PHACTR2: variants seen among roughly 807,000 people sequenced by gnomAD.
The protein encoded by PHACTR2 is phosphatase and actin regulator 2, also known as chromosome 6 open reading frame 56.
In PHACTR2, 30 loss-of-function variants were observed where a neutral mutation model predicts 76.0. The observed-to-expected ratio is 0.39, with a 90% CI of 0.30 to 0.54. PHACTR2 has a LOEUF of 0.54. Among genes scored for constraint, PHACTR2 ranks in the 20% least tolerant of loss-of-function variants. The pLI, the probability that PHACTR2 is intolerant of heterozygous loss-of-function variation, is 0.61. For missense variants in PHACTR2, 696 were observed against 781.1 expected, an observed-to-expected ratio of 0.89 and a Z score of 1.30; for synonymous variants, 292 against 292.5, an observed-to-expected ratio of 1.00 and a Z score of 0.02.
rs571480356 is a variant in PHACTR2, at chr6:143,742,208, G to C, written c.215-6777G>C. 6.6e-6 allele frequency among the ~76,000 whole-genome samples: 1 copy of C among 152,234 alleles called. No homozygotes were observed. The highest frequency in any genetic ancestry group is 6.5e-5 in the Admixed American group (1 of 15,294). ...ACTTAATGAAAGAGAGAACTCATTGGCTCATGTAACTGAAAAATCCAGGGG... is the reference window on the plus strand; with the variant it reads ...ACTTAATGAAAGAGAGAACTCATTGCCTCATGTAACTGAAAAATCCAGGGG... On this transcript the variant is annotated intron_variant, in intron 2 of 12. Transcript: ENST00000440869. This position sits in a 1 kb window ranked among gnomAD's most constrained non-coding sequence, Gnocchi z 4.5.
chr6:143,734,378 G>A (rs6921024), intron 2 of PHACTR2, among the ~76,000 whole-genome samples: 10,254 of 152,156 alleles, frequency 0.067, 1,157 homozygotes, highest in African/African-American at 0.23. Flanking sequence ...GAAAAAGTGG[G>A]ATATTGTGTT....
rs966667177 is a variant in PHACTR2, at chr6:143,830,339, C to A, written c.*6650C>A. On this transcript the variant is annotated 3_prime_UTR_variant, in exon 13 of 13. Transcript: ENST00000440869. The stretch of plus-strand genomic sequence containing the variant: ...TTTTAAATAACGGACTATATGCATT[C>A]TTTTGTTATTTCACACTTCAGTTAA... 1 of 92,948 alleles carries A rather than the reference C, an allele frequency of 1.1e-5. No individual in the cohort carries two copies. Among genetic ancestry groups the A allele is most frequent in the Admixed American group, 1.2e-4 (1 of 8,560 alleles). The allele number at this position is 92,948 out of a possible 1,614,324, so 5.8% of individuals were successfully genotyped here.
At chr6:143,573,977 A>G (rs1295092326) in intron 1 of PHACTR2, among the ~76,000 whole-genome samples, 2 of 152,212 alleles carry the variant, frequency 1.3e-5, no homozygotes, top group Non-Finnish European at 2.9e-5. Context: ...TACAGGTTCT[A>G]TGGGTCAGGA....
Position 143,803,646 on chromosome 6 carries a change from G to A in PHACTR2, c.1846-3411G>A, listed in dbSNP as rs72998489. ...CTATTTTGGAAAAATCAGATTCATCGAACGATTTTTTGGCCAACAACTGTT... is the reference window on the plus strand; with the variant it reads ...CTATTTTGGAAAAATCAGATTCATCAAACGATTTTTTGGCCAACAACTGTT... On this transcript the variant is annotated intron_variant, in intron 11 of 12. Coordinates refer to ENST00000440869, the MANE Select transcript of PHACTR2 (RefSeq NM_001100164.2). This position sits in a 1 kb window ranked among gnomAD's most constrained non-coding sequence, Gnocchi z 4.7. Among the ~76,000 whole-genome samples, 713 of 152,148 alleles carry A rather than the reference G, an allele frequency of 4.7e-3. 2 individuals carry two copies. Among genetic ancestry groups the A allele is most frequent in the South Asian group, 0.014 (66 of 4,828 alleles).
intron 11 of PHACTR2, among the ~76,000 whole-genome samples, chr6:143,805,207 CG>C (rs1562314123): frequency 2.0e-5 from 3 of 152,130 alleles, no homozygotes; most frequent in African/African-American, 7.2e-5. Flanking sequence ...CGGCCGGGCA[CG>C]GTGGCTCATG....
chr6:143,767,700 A>G lies in PHACTR2; in HGVS notation c.1232+1902A>G, dbSNP rs1205403480. On this transcript the variant is annotated intron_variant, in intron 6 of 12. Transcript: ENST00000440869. This position sits in a 1 kb window ranked among gnomAD's most constrained non-coding sequence, Gnocchi z 4.4. ...GGAAGGTGGAAGGGCAGAGAGCACA[A>G]CAGAGTGAACCTACCCCTGTGAGCC... 6.6e-6 allele frequency among the ~76,000 whole-genome samples: 1 copy of G among 152,174 alleles called. No homozygotes were observed.
chr6:143,772,507 C>G lies in PHACTR2; in HGVS notation c.1432+50C>G. 1 of 1,337,604 alleles carries G rather than the reference C, an allele frequency of 7.5e-7. No homozygotes were observed. Among genetic ancestry groups the G allele is most frequent in the Non-Finnish European group, 1.1e-6 (1 of 942,208 alleles). The allele number at this position is 1,337,604 out of a possible 1,614,324, so 82.9% of individuals were successfully genotyped here. On this transcript the variant is annotated intron_variant, in intron 7 of 12. Transcript: ENST00000440869. The surrounding 1 kb of genome is among the most constrained non-coding windows in gnomAD (Gnocchi z 5.4). ...GAGGAGCGTGGGTGATAAGCAGAAG[C>G]AGCTGCAGTTTATAAAGAATAAAAG...
Position 143,671,170 on chromosome 6 carries a change from C to T in PHACTR2, c.14-40846C>T, listed in dbSNP as rs9484790. Among the ~76,000 whole-genome samples, 10,140 of 152,064 alleles carry T rather than the reference C, an allele frequency of 0.067. 1,088 individuals are homozygous for T. Among genetic ancestry groups the T allele is most frequent in the African/African-American group, 0.23 (9,440 of 41,446 alleles). On this transcript the variant is annotated intron_variant, in intron 1 of 11. Coordinates refer to the PHACTR2 transcript ENST00000305766. The surrounding 1 kb of genome is among the most constrained non-coding windows in gnomAD (Gnocchi z 4.6). ...GTCTTGAACTCCTGACATCATGATCCGCCTGCCTCAGCAGCCTCCCAAAGT... is the reference window on the plus strand; with the variant it reads ...GTCTTGAACTCCTGACATCATGATCTGCCTGCCTCAGCAGCCTCCCAAAGT...
intron 1 of PHACTR2, among the ~76,000 whole-genome samples, chr6:143,564,171 ATGTGTG>A (rs1402664664): frequency 2.6e-5 from 1 of 39,162 alleles, no homozygotes; most frequent in African/African-American, 8.3e-5. Flanking sequence ...GTGTGCATAT[ATGTGTG>A]TGTGTATGTG....
At chr6:143,613,080 C>G (rs938484562) in intron 1 of PHACTR2, among the ~76,000 whole-genome samples, 10 of 152,228 alleles carry the variant, frequency 6.6e-5, no homozygotes, top group African/African-American at 2.4e-4. Flanking sequence ...AGGTTCACGC[C>G]ATTCCCTGGC....
At position 143,801,021 on chromosome 6, in the gene PHACTR2, A is replaced by AC; in HGVS notation, c.1846-6031dup. ...TTTTCTTTAAGAATGTTGAATATTG[A>AC]CCCCCACTCTCTTCTGGCTGGTAGG... On this transcript the variant is annotated intron_variant, in intron 11 of 12. Coordinates refer to ENST00000440869, the MANE Select transcript of PHACTR2 (RefSeq NM_001100164.2). The surrounding 1 kb of genome is among the most constrained non-coding windows in gnomAD (Gnocchi z 4.6). Among the ~76,000 whole-genome samples, 2 of 152,078 alleles carry AC rather than the reference A, an allele frequency of 1.3e-5. No homozygotes were observed. The highest frequency in any genetic ancestry group is 3.9e-4 in the East Asian group (2 of 5,172).
chr6:143,581,935 A>G lies in PHACTR2; in HGVS notation c.217+44728A>G, dbSNP rs1200715048. Reference sequence around the variant, plus strand: ...GTTATACATGGGGATGGCAAAAGGCAGAATCCTGGGCATTGGCATGAAGGC... The same window carrying G: ...GTTATACATGGGGATGGCAAAAGGCGGAATCCTGGGCATTGGCATGAAGGC... On this transcript the variant is annotated intron_variant, in intron 1 of 11. Coordinates refer to the PHACTR2 transcript ENST00000367584. The surrounding 1 kb of genome is among the most constrained non-coding windows in gnomAD (Gnocchi z 4.5). 6.6e-6 allele frequency among the ~76,000 whole-genome samples: 1 copy of G among 152,224 alleles called. No homozygotes were observed. The highest frequency in any genetic ancestry group is 1.5e-5 in the Non-Finnish European group (1 of 68,044).
chr6:143,745,819 A>G (rs1000963450), intron 2 of PHACTR2, among the ~76,000 whole-genome samples: 1 of 151,424 alleles, frequency 6.6e-6, no homozygotes, highest in Non-Finnish European at 1.5e-5. Context: ...TTTTCCTATC[A>G]GAGCCTGTTT....
At chr6:143,703,747 A>T (rs1777971550) in intron 1 of PHACTR2, among the ~76,000 whole-genome samples, 1 of 152,182 alleles carries the variant, frequency 6.6e-6, no homozygotes, top group Non-Finnish European at 1.5e-5. Context: ...GATAAAAAGC[A>T]ATTTTCTTCT....
In PHACTR2 at chr6:143,807,116, G is replaced by C. The variant is rs752288725; in HGVS notation, c.1905G>C (p.Glu635Asp). 18 of 1,604,738 alleles carry C rather than the reference G, an allele frequency of 1.1e-5. No individual in the cohort carries two copies. The highest frequency in any genetic ancestry group is 1.4e-5 in the Non-Finnish European group (16 of 1,172,418). The change falls in exon 12 of 13, where the codon GAG (glutamate) becomes GAC (aspartate). Residue 635 changes from glutamate to aspartate, a missense_variant. Around this residue, in one of 2 missense-constraint regions of PHACTR2, gnomAD observed 236 missense variants for 330.2 expected, o/e 0.71. Coordinates refer to ENST00000440869, the MANE Select transcript of PHACTR2 (RefSeq NM_001100164.2). This position sits in a 1 kb window ranked among gnomAD's most constrained non-coding sequence, Gnocchi z 5.5. The stretch of plus-strand genomic sequence containing the variant: ...GCACAGAAATGGAAGTTCATGAAGA[G>C]AGTCGACAGTTTACAAGGTAGGTGA... The part of the protein sequence containing the change: ...FKSTEMEVHE[E>D]SRQFTRFHRP
chr6:143,707,732 G>A (rs1218315997), intron 1 of PHACTR2, among the ~76,000 whole-genome samples: 1 of 152,160 alleles, frequency 6.6e-6, no homozygotes, highest in African/African-American at 2.4e-5. Context: ...ATATTAGTCT[G>A]TTCTCGCACT....
chr6:143,548,835 AT>A lies in PHACTR2; in HGVS notation c.217+11635del, dbSNP rs754698666. 3.9e-5 allele frequency among the ~76,000 whole-genome samples: 6 copies of A among 152,060 alleles called. No individual in the cohort carries two copies. In the East Asian group the frequency reaches 7.7e-4, roughly 20 times the overall value. ...AGAAAACTATGTGAAATAAGGAAGC[AT>A]TTTTTTAACATAACAAAGTGGATGT... On this transcript the variant is annotated intron_variant, in intron 1 of 11. Transcript: ENST00000367584. The surrounding 1 kb of genome is among the most constrained non-coding windows in gnomAD (Gnocchi z 4.5).
intron 1 of PHACTR2, among the ~76,000 whole-genome samples, chr6:143,626,061 A>C (rs1776252492): frequency 6.6e-6 from 1 of 152,110 alleles, no homozygotes; most frequent in African/African-American, 2.4e-5. Flanking sequence ...GCTATTTTTT[A>C]TTTCAATTTG....
Position 143,739,518 on chromosome 6 carries a change from G to C in PHACTR2, c.215-9467G>C, listed in dbSNP as rs2128467500. ...TAGGTTTACCATCTTTTACTGTAAA[G>C]AAACAGGAAATGGAAACACGCAAGC... is the stretch of plus-strand genomic sequence containing the variant. On this transcript the variant is annotated intron_variant, in intron 2 of 12. Transcript: ENST00000440869. This position sits in a 1 kb window ranked among gnomAD's most constrained non-coding sequence, Gnocchi z 4.3. Among the ~76,000 whole-genome samples, 1 of 152,242 alleles carries C rather than the reference G, an allele frequency of 6.6e-6. No homozygotes were observed. The highest frequency in any genetic ancestry group is 2.4e-5 in the African/African-American group (1 of 41,542).
Sources: gnomAD v4.1 joint callset for allele counts (sites outside exome capture counted in the v4.1 genomes callset) on GRCh38, gnomAD v4.1.1 for gene constraint, gnomAD v4.1.1 regional missense constraint, Gnocchi (gnomAD v3.1) non-coding constraint, MANE v1.5 for transcripts, NCBI Gene and HGNC (gene_info 2026-07-23, HGNC 2026-07-21) for gene names.